The following MYBBP1A variants were observed in gnomAD, a reference collection of about 807,000 sequenced individuals.
The protein encoded by MYBBP1A is myb-binding protein 1A.
In MYBBP1A, 147 loss-of-function variants were observed where a neutral mutation model predicts 136.3. That is an observed-to-expected ratio of 1.08 (90% CI 0.94 to 1.24). The LOEUF (loss-of-function observed/expected upper bound fraction) is 1.24, where lower values mean the gene tolerates loss of function less well. Among genes scored for constraint, MYBBP1A ranks in the 50% most tolerant of loss-of-function variants. The pLI, the probability that MYBBP1A is intolerant of heterozygous loss-of-function variation, is 0.00. For synonymous variants in MYBBP1A, 947 were observed against 735.8 expected, an observed-to-expected ratio of 1.29 and a Z score of -4.65; for missense variants, 2,060 against 1,727.4, an observed-to-expected ratio of 1.19 and a Z score of -3.41.
At position 4,554,737 on chromosome 17, in the gene MYBBP1A, TCTGCCACTCCCGACCTCTCTCTCGGG is replaced by T. The variant is rs1907870957; in HGVS notation, c.294+98_294+123del. ...TCCCTCAGGTTGGCCTCCAGTCTGC[TCTGCCACTCCCGACCTCTCTCTCGGG>T]CTGCCCCTCCGCCACAGCTGAGACA... On this transcript the variant is annotated intron_variant, in intron 2 of 25. Transcript: ENST00000254718. The T allele has an allele frequency of 1.1e-5, 10 of 926,254 alleles. No individual in the cohort carries two copies. The Middle Eastern group carries it at 1.0e-3, about 95-fold the overall frequency. The allele number at this position is 926,254 out of a possible 1,614,324, so 57.4% of individuals were successfully genotyped here. A position where few individuals can be genotyped will look rare whatever the true frequency, so the allele number is the denominator to read the frequency against.
chr17:4,551,628 G>A (rs1459612872), intron 8 of MYBBP1A, among the ~76,000 whole-genome samples: 1 of 152,180 alleles, frequency 6.6e-6, no homozygotes, highest in African/African-American at 2.4e-5. Flanking sequence ...AGAATCGCTT[G>A]AACCTGGGAG....
intron 23 of MYBBP1A, 110 bp from the exon 24 acceptor site, chr17:4,541,674 A>C: frequency 1.4e-6 from 2 of 1,419,170 alleles, no homozygotes; most frequent in Non-Finnish European, 2.0e-6. Context: ...GGACAACCCC[A>C]GTTCTCCCGA....
At chr17:4,540,662 C>T (rs893152465) in intron 24 of MYBBP1A, among the ~76,000 whole-genome samples, 178 bp from the exon 25 acceptor site, 1 of 149,102 alleles carries the variant, frequency 6.7e-6, no homozygotes, top group Non-Finnish European at 1.5e-5. Context: ...GGAGGAAACA[C>T]GCGCCCCAGG....
chr17:4,540,464 C>G lies in MYBBP1A; in HGVS notation c.3318G>C (p.Thr1106=). The G allele has an allele frequency of 1.2e-6, 2 of 1,610,096 alleles. No individual in the cohort carries two copies. Among genetic ancestry groups the G allele is most frequent in the Admixed American group, 1.7e-5 (1 of 59,904 alleles). Residue 1106 remains threonine (T), a synonymous_variant, in exon 25 of 26, where the codon ACG becomes ACC. Transcript: ENST00000254718. ...GCCCCTGCAGCACACCCAGGAGCACCGTCAGGTCCAAGGTCAGCTTCTGCA... is the reference window on the plus strand; with the variant it reads ...GCCCCTGCAGCACACCCAGGAGCACGGTCAGGTCCAAGGTCAGCTTCTGCA... ...CKHEKLTLDL[T]VLLGVLQGQQ... is the part of the protein sequence containing the mutation.
Position 4,552,075 on chromosome 17 carries a change from C to T in MYBBP1A, c.905+50G>A. The T allele has an allele frequency of 2.5e-6, 4 of 1,600,632 alleles. No individual in the cohort carries two copies. The highest frequency in any genetic ancestry group is 3.4e-6 in the Non-Finnish European group (4 of 1,172,578). Reference sequence around the variant, plus strand: ...GAACCTCAGGACTAGTGGCCTAGCCCACTTCACGGACAGGGAAGGGGGCCG... The same window carrying T: ...GAACCTCAGGACTAGTGGCCTAGCCTACTTCACGGACAGGGAAGGGGGCCG... On this transcript the variant is annotated intron_variant, in intron 7 of 25. Coordinates refer to ENST00000254718, the MANE Select transcript of MYBBP1A (RefSeq NM_014520.4). This position sits in a 1 kb window ranked among gnomAD's most constrained non-coding sequence, Gnocchi z 4.7.
At chr17:4,555,038 C>A in intron 1 of MYBBP1A, 82 bp from the exon 2 acceptor site, 1 of 1,586,570 alleles carries the variant, frequency 6.3e-7, no homozygotes, top group African/African-American at 1.3e-5. Context: ...AGGTTCGCGA[C>A]CACGTGCCCC....
chr17:4,546,019 A>G (rs1013524572), intron 13 of MYBBP1A, 77 bp from the exon 14 acceptor site: 6 of 1,356,956 alleles, frequency 4.4e-6, no homozygotes, highest in Admixed American at 3.9e-5. Flanking sequence ...GGCTGGCCAA[A>G]TGGCAGCAGT....
intron 19 of MYBBP1A, among the ~76,000 whole-genome samples, chr17:4,544,231 G>A (rs1906737190): frequency 7.1e-6 from 1 of 139,980 alleles, no homozygotes; most frequent in South Asian, 2.1e-4. Flanking sequence ...CCCCACTTGA[G>A]ACTGTCAAGG....
In MYBBP1A at chr17:4,555,126, CCT is replaced by C; in HGVS notation, c.197_198del (p.Lys66ArgfsTer38). 6.3e-7 allele frequency: 1 copy of C among 1,587,544 alleles called. No homozygotes were observed. The highest frequency in any genetic ancestry group is 8.6e-7 in the Non-Finnish European group (1 of 1,166,544). ...CTCTGCCCCAGACCCCGCCACTCCA[CCT>C]TCGGCCTGCCACGCAGATACTCCAG... ...KLLEYLRGRP[K>X]GSEMKYALKR... On this transcript the variant is annotated frameshift_variant and splice_region_variant, in exon 1 of 26. Coordinates refer to ENST00000254718, the MANE Select transcript of MYBBP1A (RefSeq NM_014520.4). LOFTEE classifies it high-confidence loss of function.
Position 4,544,830 on chromosome 17 carries a change from T to C in MYBBP1A, c.2402A>G (p.Lys801Arg), listed in dbSNP as rs1202561759. The C allele has an allele frequency of 1.9e-6, 3 of 1,607,846 alleles. No individual in the cohort carries two copies. Among genetic ancestry groups the C allele is most frequent in the South Asian group, 1.1e-5 (1 of 89,642 alleles). Residue 801 changes from lysine to arginine, a missense_variant, in exon 18 of 26, where the codon AAG (lysine) becomes AGG (arginine). By Grantham distance (26) the Lys-to-Arg change is conservative. Coordinates refer to ENST00000254718, the MANE Select transcript of MYBBP1A (RefSeq NM_014520.4). ...GTCTCGCCGGGCCTGGATACGCAGCTTCTGCTCGGCAAAGAGGCTGGCGAG... is the reference window on the plus strand; with the variant it reads ...GTCTCGCCGGGCCTGGATACGCAGCCTCTGCTCGGCAAAGAGGCTGGCGAG... ...QSLASLFAEQ[K>R]LRIQARRDEK...
chr17:4,545,806 C>CA, intron 14 of MYBBP1A, 40 bp downstream of exon 14: 2 of 1,609,756 alleles, frequency 1.2e-6, no homozygotes, highest in Non-Finnish European at 8.5e-7. Context: ...CCGCTGGCCC[C>CA]ACCCCACCAC....
rs1448612983 is a variant in MYBBP1A, at chr17:4,543,012, G to C, written c.2793C>G (p.Leu931=). The change falls in exon 20 of 26, where the codon CTC becomes CTG. Residue 931 remains leucine, a synonymous_variant. Transcript: ENST00000254718. The part of the protein sequence containing the change: ...LYHFNASLYL[L]RVLKGNTAEG... Reference sequence around the variant, plus strand: ...CAGCAGTGTTGCCCTTCAAGACCCGGAGCAGGTAGAGAGAGGCGTTGAAGT... The same window carrying C: ...CAGCAGTGTTGCCCTTCAAGACCCGCAGCAGGTAGAGAGAGGCGTTGAAGT... 5 of 1,613,954 alleles carry C rather than the reference G, an allele frequency of 3.1e-6. No homozygotes were observed. The highest frequency in any genetic ancestry group is 2.2e-5 in the East Asian group (1 of 44,880).
rs1906154008 is a variant in MYBBP1A, at chr17:4,539,547, C to T, written c.3855G>A (p.Gly1285=). Residue 1285 remains glycine, a synonymous_variant, in exon 26 of 26, where the codon GGG becomes GGA. Coordinates refer to ENST00000254718, the MANE Select transcript of MYBBP1A (RefSeq NM_014520.4). The part of the protein sequence containing the change: ...KQHQKALPKK[G]VLGKSPLSAL... ...CGGACAGTGGTGATTTGCCCAAGAC[C>T]CCCTTTTTGGGAAGAGCCTTCTGAT... 2.5e-6 allele frequency: 4 copies of T among 1,614,042 alleles called. No individual in the cohort carries two copies. The East Asian group carries it at 6.7e-5, about 27-fold the overall frequency.
rs779357923 is a variant in MYBBP1A at position 4,550,078 on chromosome 17, G to A, written c.1299C>T (p.Ala433=). Residue 433 remains alanine, a synonymous_variant, in exon 9 of 26, where the codon GCC becomes GCT. Transcript: ENST00000254718. ...VDFSTNNQKK[A]QDSSLHMPER... ...CTCACATGTGGAGCGATGAATCCTG[G>A]GCTTTCTTCTGGTTGTTGGTGCTGA... The A allele has an allele frequency of 2.5e-6, 4 of 1,613,064 alleles. No homozygotes were observed. The highest frequency in any genetic ancestry group is 1.7e-6 in the Non-Finnish European group (2 of 1,179,460).
In MYBBP1A at chr17:4,543,143, G is replaced by A. The variant is rs746171534; in HGVS notation, c.2662C>T (p.Arg888Cys). Residue 888 changes from arginine to cysteine, a missense_variant, in exon 20 of 26, where the codon CGC (arginine) becomes TGC (cysteine). Transcript: ENST00000254718. ...CGCTCACCCAAGTCGTGGCAGTAGC[G>A]CCGGGCACGGCACAGGTGGTGCCTG... Reference protein sequence around the residue: ...IFTHHLCRARRYCHDLGERAG... With the variant: ...IFTHHLCRARCYCHDLGERAG... 21 of 1,608,752 alleles carry A rather than the reference G, an allele frequency of 1.3e-5. No individual in the cohort carries two copies. The highest frequency in any genetic ancestry group is 2.2e-5 in the East Asian group (1 of 44,800).
At chr17:4,543,537 C>A (rs112522332) in intron 19 of MYBBP1A, among the ~76,000 whole-genome samples, 1,855 of 152,172 alleles carry the variant, frequency 0.012, 27 homozygotes, top group African/African-American at 0.041. Context: ...TGTGGCCCTG[C>A]AGGGCCGGGG....
intron 25 of MYBBP1A, 148 bp downstream of exon 25, chr17:4,540,200 G>C: frequency 3.9e-6 from 5 of 1,275,288 alleles, no homozygotes; most frequent in Non-Finnish European, 5.3e-6. Context: ...TCCCACATCT[G>C]AGAATGCGCT....
In MYBBP1A at chr17:4,539,972, A is replaced by AG. The variant is rs776616344; in HGVS notation, c.3435-6dup. On this transcript the variant is annotated splice_polypyrimidine_tract_variant and splice_region_variant and intron_variant, in intron 25 of 25. Transcript: ENST00000254718. ...TTCTTCTCCAACTTGGGGCGCCTGA[A>AG]GGGAAGTGAGCAAGGTTAGAAGGTG... is the stretch of plus-strand genomic sequence containing the variant. 19 of 1,597,310 alleles carry AG rather than the reference A, an allele frequency of 1.2e-5. No homozygotes were observed. In the Admixed American group the frequency reaches 2.8e-4, roughly 24 times the overall value.
rs1015267331 is a variant in MYBBP1A at position 4,547,947 on chromosome 17, G to A, written c.1824+11C>T. 87 of 1,471,202 alleles carry A rather than the reference G, an allele frequency of 5.9e-5. No homozygotes were observed. The highest frequency in any genetic ancestry group is 7.8e-5 in the Non-Finnish European group (87 of 1,109,420). 91.1% of individuals were successfully genotyped at this position (1,471,202 alleles called of 1,614,324 possible). A position where few individuals can be genotyped will look rare whatever the true frequency, so the allele number is the denominator to read the frequency against. ...CCAGGCTCACAGCCCCTCCCTCCCA[G>A]GCCCCAGTACCTTGAGGAGGTGGAT... On this transcript the variant is annotated intron_variant, in intron 13 of 25. Transcript: ENST00000254718.
Sources: gnomAD v4.1 joint callset for allele counts (sites outside exome capture counted in the v4.1 genomes callset) on GRCh38, gnomAD v4.1.1 for gene constraint, Gnocchi (gnomAD v3.1) non-coding constraint, MANE v1.5 for transcripts, NCBI Gene and HGNC (gene_info 2026-07-23, HGNC 2026-07-21) for gene names.